ACER3: variants seen among roughly 807,000 people sequenced by gnomAD.
The protein encoded by ACER3 is alkaline ceramidase 3.
A neutral mutation model predicts 48.9 loss-of-function variants in ACER3; 16 were observed. The observed-to-expected ratio is 0.33, with a 90% CI of 0.22 to 0.50. ACER3 has a LOEUF of 0.50. Ranked by LOEUF, ACER3 falls within the 20% of genes least tolerant of loss-of-function variation. The pLI, the probability that ACER3 is intolerant of heterozygous loss-of-function variation, is 0.98. For missense variants in ACER3, 227 were observed against 326.0 expected, an observed-to-expected ratio of 0.70 and a Z score of 2.34; for synonymous variants, 109 against 107.8, an observed-to-expected ratio of 1.01 and a Z score of -0.07.
intron 1 of ACER3, among the ~76,000 whole-genome samples, chr11:76,891,411 T>C (rs1165111457): frequency 2.0e-5 from 3 of 152,062 alleles, no homozygotes; most frequent in African/African-American, 7.2e-5. Context: ...TGCCCTCCTT[T>C]CACCTGACCA....
chr11:76,913,388 C>T (rs925580963), intron 1 of ACER3, among the ~76,000 whole-genome samples: 64 of 152,250 alleles, frequency 4.2e-4, no homozygotes, highest in African/African-American at 1.5e-3. Flanking sequence ...TTGCCCTGGC[C>T]GGAACTTCCA....
chr11:76,943,414 G>A (rs1947389290), intron 2 of ACER3, among the ~76,000 whole-genome samples: 1 of 151,756 alleles, frequency 6.6e-6, no homozygotes, highest in Non-Finnish European at 1.5e-5. Context: ...TCCTTCATTG[G>A]ACTAGCGATC....
intron 5 of ACER3, among the ~76,000 whole-genome samples, chr11:76,989,912 G>C (rs973296445): frequency 1.3e-4 from 20 of 152,162 alleles, no homozygotes; most frequent in Admixed American, 1.1e-3. Context: ...CCTACAACTA[G>C]GGTTTGTGTA....
intron 2 of ACER3, chr11:76,958,722 A>ATCTGATGGAATGTTGTTC: frequency 2.1e-6 from 1 of 483,144 alleles, no homozygotes; most frequent in East Asian, 3.9e-5. Flanking sequence ...AATACATTTT[A>ATCTGATGGAATGTTGTTC]CAGAAATAAT....
chr11:76,934,934 CTG>C (rs1252927259), intron 2 of ACER3, among the ~76,000 whole-genome samples: 1 of 152,170 alleles, frequency 6.6e-6, no homozygotes, highest in African/African-American at 2.4e-5. Flanking sequence ...CCACAACAAA[CTG>C]TGAAACAGAA....
chr11:76,962,175 G>A (rs1033862610), intron 3 of ACER3, among the ~76,000 whole-genome samples: 2 of 149,238 alleles, frequency 1.3e-5, no homozygotes, highest in South Asian at 2.1e-4. Flanking sequence ...TCAGCCTCCC[G>A]AGTAGCTGGG....
At chr11:76,963,363 A>G (rs1280473228) in intron 3 of ACER3, among the ~76,000 whole-genome samples, 2 of 151,480 alleles carry the variant, frequency 1.3e-5, no homozygotes, top group Admixed American at 1.3e-4. Flanking sequence ...GTTTCTTGTG[A>G]AAGCTTTTCA....
At chr11:76,879,095 TTTTCTCCCTGTCTCCC>T (rs1945460291) in intron 1 of ACER3, among the ~76,000 whole-genome samples, 1 of 152,138 alleles carries the variant, frequency 6.6e-6, no homozygotes, top group Non-Finnish European at 1.5e-5. Context: ...TTTGTGACTG[TTTTCTCCCTGTCTCCC>T]TACTTCATTT....
intron 1 of ACER3, among the ~76,000 whole-genome samples, chr11:76,875,325 A>G (rs1986000): frequency 0.6 from 90,171 of 151,238 alleles, 29,215 homozygotes; most frequent in Non-Finnish European, 0.74. Flanking sequence ...TGTTGGCCAG[A>G]CTGGTCTCGA....
chr11:76,892,685 T>G (rs1038558691), intron 1 of ACER3, among the ~76,000 whole-genome samples: 1 of 152,190 alleles, frequency 6.6e-6, no homozygotes, highest in African/African-American at 2.4e-5. Context: ...ATTTGGGAAT[T>G]TTTTTTAAAT....
intron 3 of ACER3, among the ~76,000 whole-genome samples, chr11:76,967,498 T>C (rs1432687125): frequency 6.6e-6 from 1 of 150,440 alleles, no homozygotes; most frequent in Non-Finnish European, 1.5e-5. Flanking sequence ...TGGCAGAGAA[T>C]TTTAGACCAA....
chr11:76,910,817 G>C (rs568963096), intron 1 of ACER3, among the ~76,000 whole-genome samples: 78 of 152,282 alleles, frequency 5.1e-4, no homozygotes, highest in African/African-American at 1.8e-3. Flanking sequence ...AACCATTCTG[G>C]AAAGTAGTTT....
chr11:76,875,606 C>T (rs1015187601), intron 1 of ACER3, among the ~76,000 whole-genome samples: 14 of 151,396 alleles, frequency 9.2e-5, no homozygotes, highest in Non-Finnish European at 1.8e-4. Flanking sequence ...TGATACATTT[C>T]GAAGTAAACT....
chr11:77,008,862 G>A (rs892212861), intron 7 of ACER3, among the ~76,000 whole-genome samples: 1 of 152,002 alleles, frequency 6.6e-6, no homozygotes, highest in South Asian at 2.1e-4. Context: ...TTGAGACCAG[G>A]CTGGGCAATA....
At position 76,984,994 on chromosome 11, in the gene ACER3, C is replaced by T. The variant is rs193101665; in HGVS notation, c.321-649C>T. ...TTCCCTCTTTTTGCCATTCCTTCCT[C>T]TCCACATGGCTTCGCCTCTTTGTAT... On this transcript the variant is annotated intron_variant, in intron 4 of 10. Transcript: ENST00000532485. 1.7e-4 allele frequency among the ~76,000 whole-genome samples: 26 copies of T among 152,286 alleles called. No individual in the cohort carries two copies. The East Asian group carries it at 5.0e-3, about 29-fold the overall frequency.
intron 1 of ACER3, among the ~76,000 whole-genome samples, chr11:76,891,496 T>G (rs184186869): frequency 8.5e-5 from 13 of 152,296 alleles, no homozygotes; most frequent in African/African-American, 3.1e-4. Context: ...TGTAATAAAC[T>G]GATAAACACA....
chr11:76,897,557 C>A (rs1475698511), intron 1 of ACER3, among the ~76,000 whole-genome samples: 1 of 151,336 alleles, frequency 6.6e-6, no homozygotes, highest in Non-Finnish European at 1.5e-5. Context: ...TAAAAAAAAA[C>A]ACGTGTTATT....
intron 2 of ACER3, among the ~76,000 whole-genome samples, chr11:76,954,998 T>G (rs1947797945): frequency 6.6e-6 from 1 of 152,194 alleles, no homozygotes; most frequent in Non-Finnish European, 1.5e-5. Context: ...CTTGGAGTAT[T>G]AAGTACACAG....
At chr11:76,974,962 C>G (rs762836404) in intron 3 of ACER3, among the ~76,000 whole-genome samples, 5 of 152,158 alleles carry the variant, frequency 3.3e-5, no homozygotes, top group Non-Finnish European at 5.9e-5. Flanking sequence ...GAGACTCCGT[C>G]TCAAACAAAC....
Sources: allele counts gnomAD v4.1 joint callset (sites outside exome capture counted in the v4.1 genomes callset), GRCh38; gene constraint gnomAD v4.1.1; transcripts MANE v1.5; gene names NCBI Gene and HGNC (gene_info 2026-07-23, HGNC 2026-07-21).